Variants in ARHGAP5 observed in about 807,000 individuals in gnomAD.
ARHGAP5 encodes the protein Rho GTPase activating protein 5.
ARHGAP5 carries 23 observed loss-of-function variants against 116.6 expected under a neutral mutation model. The observed-to-expected ratio is 0.20, with a 90% confidence interval of 0.14 to 0.28. The LOEUF is 0.28. Ranked by LOEUF, ARHGAP5 falls within the 10% of genes least tolerant of loss-of-function variation. The pLI, the probability that ARHGAP5 is intolerant of heterozygous loss-of-function variation, is 1.00. For synonymous variants in ARHGAP5, 574 were observed against 602.0 expected, an observed-to-expected ratio of 0.95 and a Z score of 0.68; for missense variants, 1,405 against 1,774.8, an observed-to-expected ratio of 0.79 and a Z score of 3.74.
intron 6 of ARHGAP5, 137 bp from the exon 7 acceptor site, chr14:32,154,484 T>G: frequency 1.2e-6 from 1 of 802,098 alleles, no homozygotes; most frequent in South Asian, 1.9e-5. Flanking sequence ...TAAAGATGCT[T>G]CTTTATGCAA....
At chr14:32,089,806 G>A (rs2041866480) in intron 1 of ARHGAP5, among the ~76,000 whole-genome samples, 1 of 151,814 alleles carries the variant, frequency 6.6e-6, no homozygotes, top group Non-Finnish European at 1.5e-5. Context: ...ATATTTTGCA[G>A]TTGGTCTTAT....
chr14:32,155,195 AT>A lies in ARHGAP5; in HGVS notation c.*248del. On this transcript the variant is annotated 3_prime_UTR_variant, in exon 7 of 7. Coordinates refer to ENST00000345122, the MANE Select transcript of ARHGAP5 (RefSeq NM_001030055.2). The stretch of plus-strand genomic sequence containing the variant: ...CTATAAAGTACAAAGCTGCTGCTGC[AT>A]GCAACCTTATTGCAATCAGTATATC... The A allele has an allele frequency of 2.4e-6, 1 of 411,848 alleles. No individual in the cohort carries two copies. Among genetic ancestry groups the A allele is most frequent in the Non-Finnish European group, 4.4e-6 (1 of 229,434 alleles). The allele number at this position is 411,848 out of a possible 1,614,324, so 25.5% of individuals were successfully genotyped here.
intron 3 of ARHGAP5, among the ~76,000 whole-genome samples, chr14:32,132,956 G>A (rs1279738322): frequency 1.3e-5 from 2 of 152,052 alleles, no homozygotes; most frequent in South Asian, 2.1e-4. Flanking sequence ...TGTCTGTTTT[G>A]GTACCAGTAC....
intron 3 of ARHGAP5, among the ~76,000 whole-genome samples, chr14:32,137,557 G>T (rs1463114701): frequency 6.6e-6 from 1 of 151,966 alleles, no homozygotes; most frequent in African/African-American, 2.4e-5. Context: ...AGAGTTTCCT[G>T]CAATTGAATG....
chr14:32,136,045 G>T (rs1286015458), intron 3 of ARHGAP5, among the ~76,000 whole-genome samples: 1 of 152,130 alleles, frequency 6.6e-6, no homozygotes, highest in African/African-American at 2.4e-5. Flanking sequence ...TTAATTCAGT[G>T]GGAGCTAGGT....
At chr14:32,085,169 T>C (rs1346991725) in intron 1 of ARHGAP5, among the ~76,000 whole-genome samples, 2 of 152,168 alleles carry the variant, frequency 1.3e-5, no homozygotes, top group African/African-American at 4.8e-5. Context: ...AAAGGCAGGC[T>C]GGGAGGTGGC....
Position 32,094,400 on chromosome 14 carries a change from A to T in ARHGAP5, c.3717+14A>T. On this transcript the variant is annotated intron_variant, in intron 2 of 6. Coordinates refer to ENST00000345122, the MANE Select transcript of ARHGAP5 (RefSeq NM_001030055.2). The stretch of plus-strand genomic sequence containing the variant: ...GAAGATAAAAAGGTAAGGTTAACTT[A>T]AGGTCAGTGATGTTTATAAAAATGC... The T allele has an allele frequency of 2.0e-6, 3 of 1,528,124 alleles. No homozygotes were observed. Among genetic ancestry groups the T allele is most frequent in the Non-Finnish European group, 2.6e-6 (3 of 1,138,942 alleles). The allele number at this position is 1,528,124 out of a possible 1,614,324, so 94.7% of individuals were successfully genotyped here.
intron 4 of ARHGAP5, among the ~76,000 whole-genome samples, chr14:32,147,350 C>A (rs530549092): frequency 2.6e-5 from 4 of 152,044 alleles, no homozygotes; most frequent in Non-Finnish European, 5.9e-5. Context: ...TGTGACATAC[C>A]TAGCTTAAGT....
In ARHGAP5 at chr14:32,094,386, G is replaced by T; in HGVS notation, c.3717G>T (p.Lys1239Asn). Residue 1239 changes from lysine to asparagine, a missense_variant and splice_region_variant, in exon 2 of 7, where the codon AAG (lysine) becomes AAT (asparagine). Physicochemically the swap from Lys to Asn is moderately conservative, Grantham distance 94. Transcript: ENST00000345122. ...CCCACAAAGTGAAAGAAGATAAAAA[G>T]GTAAGGTTAACTTAAGGTCAGTGAT... ...KKTHKVKEDK[K>N]QKKKTKNFNP... The T allele has an allele frequency of 6.4e-7, 1 of 1,560,408 alleles. No homozygotes were observed. The highest frequency in any genetic ancestry group is 8.6e-7 in the Non-Finnish European group (1 of 1,160,108).
chr14:32,095,940 T>G (rs191464092), intron 2 of ARHGAP5, among the ~76,000 whole-genome samples: 9 of 151,222 alleles, frequency 6.0e-5, no homozygotes, highest in African/African-American at 1.5e-4. Context: ...TATTTTTGTG[T>G]TTTTTTTTCC....
rs1353985856 is a variant in ARHGAP5, at chr14:32,158,643, T to G, written c.*3695T>G. On this transcript the variant is annotated 3_prime_UTR_variant, in exon 7 of 7. Transcript: ENST00000345122. ...ACTTAAATTCTTAACAGTTTCTAAT[T>G]TGTTTCAATACATATGGGACATGGT... 1.3e-5 allele frequency: 2 copies of G among 152,006 alleles called. No homozygotes were observed. The highest frequency in any genetic ancestry group is 4.8e-5 in the African/African-American group (2 of 41,458). 9.4% of individuals were successfully genotyped at this position (152,006 alleles called of 1,614,324 possible). A position where few individuals can be genotyped will look rare whatever the true frequency, so the allele number is the denominator to read the frequency against.
intron 2 of ARHGAP5, among the ~76,000 whole-genome samples, chr14:32,105,219 G>A (rs536510170): frequency 3.9e-5 from 6 of 152,194 alleles, no homozygotes; most frequent in Admixed American, 2.6e-4. Context: ...AGGTCATAGC[G>A]TTTTCTTCCC....
chr14:32,102,104 AT>A (rs1878819432), intron 2 of ARHGAP5, among the ~76,000 whole-genome samples: 1 of 152,148 alleles, frequency 6.6e-6, no homozygotes, highest in Non-Finnish European at 1.5e-5. Context: ...AAAGTTTCAC[AT>A]TTTCTTTTTT....
At chr14:32,154,475 A>T (rs1332015245) in intron 6 of ARHGAP5, 146 bp from the exon 7 acceptor site, 5 of 736,780 alleles carry the variant, frequency 6.8e-6, no homozygotes, top group Non-Finnish European at 1.1e-5. Context: ...CATACGAATT[A>T]AAGATGCTTC....
chr14:32,154,418 C>A, intron 6 of ARHGAP5: 1 of 507,010 alleles, frequency 2.0e-6, no homozygotes, highest in African/African-American at 1.9e-5. Context: ...CAAAGTGCTG[C>A]GATTACAGGC....
intron 2 of ARHGAP5, among the ~76,000 whole-genome samples, chr14:32,099,346 G>A (rs1230069145): frequency 6.6e-6 from 1 of 152,176 alleles, no homozygotes; most frequent in Non-Finnish European, 1.5e-5. Flanking sequence ...ATACATAGGA[G>A]ACAGTGAACT....
chr14:32,109,274 G>GT (rs1291584981), intron 2 of ARHGAP5, among the ~76,000 whole-genome samples: 1 of 151,150 alleles, frequency 6.6e-6, no homozygotes, highest in African/African-American at 2.4e-5. Context: ...TTGTTTTCTA[G>GT]TTTTTATTCT....
At chr14:32,110,493 G>A (rs1225685831) in intron 2 of ARHGAP5, among the ~76,000 whole-genome samples, 3 of 152,064 alleles carry the variant, frequency 2.0e-5, no homozygotes, top group Admixed American at 2.0e-4. Context: ...AAAGGGAACG[G>A]CCACTACAAA....
At chr14:32,136,437 A>G (rs1391109942) in intron 3 of ARHGAP5, among the ~76,000 whole-genome samples, 2 of 152,182 alleles carry the variant, frequency 1.3e-5, no homozygotes, top group Non-Finnish European at 2.9e-5. Flanking sequence ...TATAGCATGT[A>G]TCAGTACATT....
Sources: gnomAD v4.1 joint callset for allele counts (sites outside exome capture counted in the v4.1 genomes callset) on GRCh38, gnomAD v4.1.1 for gene constraint, MANE v1.5 for transcripts, NCBI Gene and HGNC (gene_info 2026-07-23, HGNC 2026-07-21) for gene names.